Variants in ISM1 observed in about 807,000 individuals in gnomAD.
ISM1 encodes isthmin 1, also known as isthmin-1.
Under a neutral mutation model 46.3 loss-of-function variants are expected in ISM1, and 25 were observed. That is an observed-to-expected ratio of 0.54 (90% CI 0.39 to 0.75). ISM1 has a LOEUF of 0.75. Ranked by LOEUF, ISM1 falls within the 30% of genes least tolerant of loss-of-function variation. ISM1 has a pLI of 0.00. For synonymous variants in ISM1, 255 were observed against 256.7 expected (o/e 0.99, Z 0.06); for missense variants, 536 against 625.4 (o/e 0.86, Z 1.52).
At chr20:13,235,635 T>C (rs1487182849) in intron 1 of ISM1, among the ~76,000 whole-genome samples, 1 of 152,172 alleles carries the variant, frequency 6.6e-6, no homozygotes, top group African/African-American at 2.4e-5. Context: ...AGCACATGAT[T>C]CGGCCCCCAC....
chr20:13,299,749 G>A lies in ISM1; in HGVS notation c.*290G>A. The A allele has an allele frequency of 3.0e-6, 1 of 331,772 alleles. No individual in the cohort carries two copies. The allele number at this position is 331,772 out of a possible 1,614,324, so 20.6% of individuals were successfully genotyped here. A position where few individuals can be genotyped will look rare whatever the true frequency, so the allele number is the denominator to read the frequency against. On this transcript the variant is annotated 3_prime_UTR_variant, in exon 6 of 6. Coordinates refer to ENST00000262487, the MANE Select transcript of ISM1 (RefSeq NM_080826.2). This position sits in a 1 kb window ranked among gnomAD's most constrained non-coding sequence, Gnocchi z 5.8. ...AGAAGAAGAACCTGGAAGCCACAGT[G>A]GGTGCGACTCAATTCACACCCGGAT... is the stretch of plus-strand genomic sequence containing the variant.
chr20:13,227,677 T>A lies in ISM1; in HGVS notation c.138+5763T>A, dbSNP rs577447478. 9.3e-5 allele frequency among the ~76,000 whole-genome samples: 14 copies of A among 150,114 alleles called. No homozygotes were observed. In the South Asian group the frequency reaches 3.0e-3, roughly 32 times the overall value. The stretch of plus-strand genomic sequence containing the variant: ...GCGCCCGCCACCATGCCTGGCTAAT[T>A]TTTTGTATTTTTAGTAGAGACGGGG... On this transcript the variant is annotated intron_variant, in intron 1 of 5. Coordinates refer to ENST00000262487, the MANE Select transcript of ISM1 (RefSeq NM_080826.2).
At chr20:13,262,765 C>T (rs539970466) in intron 1 of ISM1, among the ~76,000 whole-genome samples, 48 of 152,260 alleles carry the variant, frequency 3.2e-4, no homozygotes, top group African/African-American at 1.0e-3. Context: ...CAAGAACCTT[C>T]AATGAGGAGA....
chr20:13,238,584 A>T, intron 1 of ISM1, among the ~76,000 whole-genome samples: 1 of 152,226 alleles, frequency 6.6e-6, no homozygotes, highest in South Asian at 2.1e-4. Context: ...CTAGAACTCA[A>T]CTAGAAAACA....
intron 1 of ISM1, among the ~76,000 whole-genome samples, chr20:13,236,107 T>A (rs2123149407): frequency 6.6e-6 from 1 of 152,144 alleles, no homozygotes; most frequent in East Asian, 1.9e-4. Context: ...ATATTTTTAG[T>A]AGAGACGGGG....
intron 2 of ISM1, among the ~76,000 whole-genome samples, chr20:13,278,371 G>A (rs905027749): frequency 6.6e-6 from 1 of 152,208 alleles, no homozygotes; most frequent in South Asian, 2.1e-4. Flanking sequence ...GCCATGGGGT[G>A]AGTGAAAATT....
intron 1 of ISM1, among the ~76,000 whole-genome samples, chr20:13,223,718 C>G (rs190885335): frequency 6.6e-6 from 1 of 152,142 alleles, no homozygotes; most frequent in Non-Finnish European, 1.5e-5. Flanking sequence ...AATTTCTATG[C>G]GGAAGTTGAA....
Position 13,221,791 on chromosome 20 carries a change from G to C in ISM1, c.15G>C (p.Ala5=). 6.9e-7 allele frequency: 1 copy of C among 1,452,110 alleles called. No individual in the cohort carries two copies. Among genetic ancestry groups the C allele is most frequent in the African/African-American group, 1.5e-5 (1 of 67,862 alleles). The allele number at this position is 1,452,110 out of a possible 1,614,324, so 90.0% of individuals were successfully genotyped here. A position where few individuals can be genotyped will look rare whatever the true frequency, so the allele number is the denominator to read the frequency against. MVRL[A]AELLLLLGLL... ...GTCTCAAAAGGATGGTGCGCCTGGC[G>C]GCCGAGCTGCTGCTGCTGCTGGGGC... The change falls in exon 1 of 6, where the codon GCG becomes GCC. Residue 5 remains alanine (A), a synonymous_variant. Transcript: ENST00000262487.
downstream of ISM1, among the ~76,000 whole-genome samples, chr20:13,305,383 G>C (rs977817674): frequency 6.6e-6 from 1 of 152,114 alleles, no homozygotes; most frequent in Non-Finnish European, 1.5e-5. Context: ...CAAATCAAGT[G>C]AGCAATAGTG....
the ISM1 span, among the ~76,000 whole-genome samples, chr20:13,309,533 G>C: frequency 6.6e-6 from 1 of 151,964 alleles, no homozygotes. Flanking sequence ...CCAAGATCAG[G>C]AACAAGACAA....
intron 1 of ISM1, among the ~76,000 whole-genome samples, chr20:13,232,115 G>T (rs1316603023): frequency 1.3e-5 from 2 of 152,176 alleles, no homozygotes; most frequent in Admixed American, 1.3e-4. Context: ...TGGCAGTGAG[G>T]ACAGGAGGAG....
intron 1 of ISM1, among the ~76,000 whole-genome samples, chr20:13,254,189 C>T (rs1052886002): frequency 2.0e-5 from 3 of 151,714 alleles, no homozygotes; most frequent in Non-Finnish European, 4.4e-5. Context: ...GCCAAGATCA[C>T]GTCACTGCAC....
chr20:13,308,695 A>G, the ISM1 span, among the ~76,000 whole-genome samples: 8 of 152,228 alleles, frequency 5.3e-5, no homozygotes, highest in Non-Finnish European at 8.8e-5. Flanking sequence ...TCTGAAAAAG[A>G]AAATTACAGA....
At chr20:13,277,610 T>C (rs1451987260) in intron 2 of ISM1, among the ~76,000 whole-genome samples, 4 of 151,726 alleles carry the variant, frequency 2.6e-5, no homozygotes, top group Non-Finnish European at 4.4e-5. Context: ...ACAAGATGTA[T>C]GATGTATTCC....
At chr20:13,272,263 G>A (rs534514030) in intron 2 of ISM1, among the ~76,000 whole-genome samples, 14 of 152,130 alleles carry the variant, frequency 9.2e-5, no homozygotes, top group East Asian at 5.8e-4. Flanking sequence ...TGCATGATAC[G>A]GTTTTAGATC....
In ISM1 at chr20:13,300,131, C is replaced by G. The variant is rs1385000297; in HGVS notation, c.*672C>G. 1 of 152,052 alleles carries G rather than the reference C, an allele frequency of 6.6e-6. No homozygotes were observed. Among genetic ancestry groups the G allele is most frequent in the Non-Finnish European group, 1.5e-5 (1 of 68,026 alleles). The allele number at this position is 152,052 out of a possible 1,614,324, so 9.4% of individuals were successfully genotyped here. On this transcript the variant is annotated 3_prime_UTR_variant, in exon 6 of 6. Transcript: ENST00000262487. Reference sequence around the variant, plus strand: ...GGTAGGGAATATGATATTTTAGGGACAAAGCTGAGGACTGGTTTTAAATAG... The same window carrying G: ...GGTAGGGAATATGATATTTTAGGGAGAAAGCTGAGGACTGGTTTTAAATAG...
chr20:13,311,356 C>T, the ISM1 span, among the ~76,000 whole-genome samples: 1 of 151,960 alleles, frequency 6.6e-6, no homozygotes, highest in African/African-American at 2.4e-5. Context: ...TTGCTACAGC[C>T]ATTATGGGAA....
At chr20:13,285,457 G>A (rs1380639367) in intron 3 of ISM1, among the ~76,000 whole-genome samples, 2 of 152,212 alleles carry the variant, frequency 1.3e-5, no homozygotes, top group Non-Finnish European at 2.9e-5. Context: ...CACAATGAGG[G>A]GTGCCCAGCT....
intron 5 of ISM1, among the ~76,000 whole-genome samples, chr20:13,297,691 A>T (rs1367592625): frequency 6.6e-6 from 1 of 152,228 alleles, no homozygotes; most frequent in Admixed American, 6.5e-5. Flanking sequence ...CCATGGGAGA[A>T]TGCAGGATCA....
Sources: allele counts gnomAD v4.1 joint callset (sites outside exome capture counted in the v4.1 genomes callset), GRCh38; gene constraint gnomAD v4.1.1; non-coding constraint Gnocchi (gnomAD v3.1); transcripts MANE v1.5; gene names NCBI Gene and HGNC (gene_info 2026-07-23, HGNC 2026-07-21).